Variants in ZFP36L1 observed in about 807,000 individuals in gnomAD.
ZFP36L1 encodes ZFP36 like 1 zinc finger CCCH-type.
ZFP36L1 carries 4 observed loss-of-function variants against 16.7 expected under a neutral mutation model. The ratio of observed to expected loss-of-function variants is 0.24; its 90% CI spans 0.12 to 0.55. ZFP36L1 has a LOEUF of 0.55. Ranked by LOEUF, ZFP36L1 falls within the 20% of genes least tolerant of loss-of-function variation. ZFP36L1 has a pLI of 0.94. For synonymous variants in ZFP36L1, 220 were observed against 190.8 expected (o/e 1.15, Z -1.26); for missense variants, 311 against 449.2 (o/e 0.69, Z 2.78).
At chr14:68,794,167 C>G (rs1895187868), upstream of ZFP36L1, 1 of 152,828 alleles carries the variant, frequency 6.5e-6, no homozygotes, top group African/African-American at 2.4e-5. Context: ...TCCCCACACA[C>G]ACCTCAAGAC....
chr14:68,789,911 G>C lies in ZFP36L1; in HGVS notation c.639C>G (p.Thr213=). ...SFAGFPSAAA[T]AAATGLLDSP... ...TGTCCAGCAGCCCGGTGGCAGCGGC[G>C]GTGGCAGCGGCACTGGGAAACCCAG... The change falls in exon 2 of 2, where the codon ACC becomes ACG. Residue 213 remains threonine (T), a synonymous_variant. Transcript: ENST00000439696. This position sits in a 1 kb window ranked among gnomAD's most constrained non-coding sequence, Gnocchi z 4.5. 1.2e-6 allele frequency: 2 copies of C among 1,609,588 alleles called. No individual in the cohort carries two copies. Among genetic ancestry groups the C allele is most frequent in the Non-Finnish European group, 1.7e-6 (2 of 1,179,554 alleles).
upstream of ZFP36L1, chr14:68,793,536 C>G: frequency 1.0e-6 from 1 of 985,842 alleles, no homozygotes; most frequent in Non-Finnish European, 1.2e-6. Flanking sequence ...AAGGCGGGCT[C>G]GACTTTCTCT....
At chr14:68,795,466 C>T (rs1400836120), upstream of ZFP36L1, among the ~76,000 whole-genome samples, 1 of 152,232 alleles carries the variant, frequency 6.6e-6, no homozygotes, top group Non-Finnish European at 1.5e-5. Flanking sequence ...GGCCTGTCCC[C>T]GCGGGGCACC....
chr14:68,791,504 T>C (rs1215839274), intron 1 of ZFP36L1, among the ~76,000 whole-genome samples: 2 of 151,906 alleles, frequency 1.3e-5, no homozygotes, highest in African/African-American at 4.8e-5. Flanking sequence ...TCCCAGCCCA[T>C]GTGGGTGTCA....
intron 1 of ZFP36L1, chr14:68,791,076 G>A (rs534928997): frequency 5.6e-5 from 39 of 702,114 alleles, no homozygotes; most frequent in Admixed American, 3.2e-4. Flanking sequence ...GTGGGGAGGA[G>A]ATTGGGGGCC....
rs1894953181 is a variant in ZFP36L1 at position 68,787,817 on chromosome 14, T to TA, written c.*1715_*1716insT. On this transcript the variant is annotated 3_prime_UTR_variant, in exon 2 of 2. Transcript: ENST00000439696. ...TAATAATTACATTCATCTTAATGTG[T>TA]GTGTGCCAGTTCTGTTTACATTAAC... The TA allele has an allele frequency of 6.5e-6, 1 of 152,780 alleles. No individual in the cohort carries two copies. The highest frequency in any genetic ancestry group is 1.5e-5 in the Non-Finnish European group (1 of 68,042). The allele number at this position is 152,780 out of a possible 1,614,324, so 9.5% of individuals were successfully genotyped here. A position where few individuals can be genotyped will look rare whatever the true frequency, so the allele number is the denominator to read the frequency against.
chr14:68,790,281 G>A lies in ZFP36L1; in HGVS notation c.269C>T (p.Ser90Phe), dbSNP rs1895033215. 1 of 1,610,366 alleles carries A rather than the reference G, an allele frequency of 6.2e-7. No homozygotes were observed. The highest frequency in any genetic ancestry group is 1.1e-5 in the South Asian group (1 of 91,056). ...CAGCCGCTCGCCCCCTTCCGAGAAGGAGCGGTCTCGGAAGCGGCTGTCTCG... is the reference window on the plus strand; with the variant it reads ...CAGCCGCTCGCCCCCTTCCGAGAAGAAGCGGTCTCGGAAGCGGCTGTCTCG... ...SSRDSRFRDR[S>F]FSEGGERLLP... The change falls in exon 2 of 2, where the codon TCC becomes TTC. Residue 90 changes from serine to phenylalanine, a missense_variant. Physicochemically the swap from Ser to Phe is radical, Grantham distance 155. Coordinates refer to ENST00000439696, the MANE Select transcript of ZFP36L1 (RefSeq NM_004926.4).
chr14:68,793,925 C>CGGGGGGGGGGG, upstream of ZFP36L1: 1 of 237,320 alleles, frequency 4.2e-6, no homozygotes. Flanking sequence ...CGGGTGTGGG[C>CGGGGGGGGGGG]GGGTGGGGGG....
intron 1 of ZFP36L1, among the ~76,000 whole-genome samples, chr14:68,792,307 C>G (rs1895101910): frequency 6.6e-6 from 1 of 152,144 alleles, no homozygotes; most frequent in Admixed American, 6.5e-5. Context: ...CGGGAAGAAG[C>G]CCAACGGAGC....
At position 68,790,317 on chromosome 14, in the gene ZFP36L1, G is replaced by A; in HGVS notation, c.233C>T (p.Ala78Val). Residue 78 changes from alanine to valine, a missense_variant, in exon 2 of 2, where the codon GCT (alanine) becomes GTT (valine). This residue lies in a region of ZFP36L1 where 137 missense variants were observed against 142.6 expected (regional missense o/e 0.96). Transcript: ENST00000439696. ...GAAGCGGCTGTCTCGCGAGCTCAGAGCGGGGGCTGGCTCACCCTTGAGGCT... is the reference window on the plus strand; with the variant it reads ...GAAGCGGCTGTCTCGCGAGCTCAGAACGGGGGCTGGCTCACCCTTGAGGCT... Reference protein sequence around the residue: ...LSSLKGEPAPALSSRDSRFRD... With the variant: ...LSSLKGEPAPVLSSRDSRFRD... The A allele has an allele frequency of 6.2e-7, 1 of 1,610,316 alleles. No individual in the cohort carries two copies. The highest frequency in any genetic ancestry group is 8.5e-7 in the Non-Finnish European group (1 of 1,179,020).
At chr14:68,791,632 T>C (rs1368465468) in intron 1 of ZFP36L1, among the ~76,000 whole-genome samples, 1 of 137,900 alleles carries the variant, frequency 7.3e-6, no homozygotes, top group Non-Finnish European at 1.5e-5. Context: ...TTCCCAACAA[T>C]GAGGTTCATT....
At chr14:68,794,574 T>C (rs899565611), upstream of ZFP36L1, 1 of 152,360 alleles carries the variant, frequency 6.6e-6, no homozygotes, top group African/African-American at 2.4e-5. Context: ...GCACGTTTCT[T>C]CCCAGCACTC....
At chr14:68,790,754 T>C (rs565357873) in intron 1 of ZFP36L1, among the ~76,000 whole-genome samples, 5 of 152,274 alleles carry the variant, frequency 3.3e-5, no homozygotes, top group South Asian at 4.1e-4. Context: ...GCAACCCCCA[T>C]GTCCTCTGTC....
upstream of ZFP36L1, among the ~76,000 whole-genome samples, chr14:68,795,042 G>T (rs944904564): frequency 6.6e-6 from 1 of 152,072 alleles, no homozygotes; most frequent in African/African-American, 2.4e-5. Context: ...TCTGGCAAGC[G>T]CCAGAAAGGG....
At chr14:68,792,308 C>A (rs1895102025) in intron 1 of ZFP36L1, among the ~76,000 whole-genome samples, 1 of 152,102 alleles carries the variant, frequency 6.6e-6, no homozygotes, top group Admixed American at 6.6e-5. Flanking sequence ...GGGAAGAAGC[C>A]CAACGGAGCT....
chr14:68,791,376 G>A, intron 1 of ZFP36L1: 1 of 449,268 alleles, frequency 2.2e-6, no homozygotes, highest in Non-Finnish European at 3.9e-6. Context: ...GATTGGGGGT[G>A]GTGGGGATGG....
At chr14:68,792,755 G>T (rs1895131563) in intron 1 of ZFP36L1, 127 bp downstream of exon 1, 1 of 1,336,812 alleles carries the variant, frequency 7.5e-7, no homozygotes, top group Non-Finnish European at 1.1e-6. Context: ...AGAAATGCCG[G>T]AGGAGAAAAG....
chr14:68,795,454 A>G (rs897695669), upstream of ZFP36L1, among the ~76,000 whole-genome samples: 4 of 152,240 alleles, frequency 2.6e-5, no homozygotes, highest in Admixed American at 2.0e-4. Context: ...TTCCCGGCCC[A>G]GGGCCTGTCC....
chr14:68,793,596 C>T (rs1042307491), upstream of ZFP36L1: 7 of 985,852 alleles, frequency 7.1e-6, no homozygotes, highest in Non-Finnish European at 7.2e-6. Flanking sequence ...GCCGCGGTTT[C>T]CATCTTGAGC....
Sources: gnomAD v4.1 joint callset for allele counts (sites outside exome capture counted in the v4.1 genomes callset) on GRCh38, gnomAD v4.1.1 for gene constraint, gnomAD v4.1.1 regional missense constraint, Gnocchi (gnomAD v3.1) non-coding constraint, MANE v1.5 for transcripts, NCBI Gene and HGNC (gene_info 2026-07-23, HGNC 2026-07-21) for gene names.